Variants in CNTN6 observed in about 807,000 individuals in gnomAD.
CNTN6 encodes contactin-6.
CNTN6 carries 137 observed loss-of-function variants against 122.8 expected under a neutral mutation model. That is an observed-to-expected ratio of 1.12 (90% CI 0.97 to 1.29). The LOEUF is 1.29. Among genes scored for constraint, CNTN6 ranks in the 50% most tolerant of loss-of-function variants. The pLI, the probability that CNTN6 is intolerant of heterozygous loss-of-function variation, is 0.00. For synonymous variants in CNTN6, 570 were observed against 426.0 expected (o/e 1.34, Z -4.16); for missense variants, 1,634 against 1,223.4 (o/e 1.34, Z -5.01).
At chr3:1,252,746 A>T (rs1428401834) in intron 4 of CNTN6, among the ~76,000 whole-genome samples, 3 of 152,146 alleles carry the variant, frequency 2.0e-5, no homozygotes, top group Non-Finnish European at 4.4e-5. Flanking sequence ...TACCACACTC[A>T]AGGGGAAAGA....
chr3:1,215,236 T>C (rs2094113904), intron 2 of CNTN6, among the ~76,000 whole-genome samples: 1 of 152,258 alleles, frequency 6.6e-6, no homozygotes, highest in Admixed American at 6.5e-5. Flanking sequence ...TGGTATTTAC[T>C]GAGACATGTG....
chr3:1,168,456 A>G (rs1290929465), intron 2 of CNTN6, among the ~76,000 whole-genome samples: 1 of 150,530 alleles, frequency 6.6e-6, no homozygotes, highest in African/African-American at 2.5e-5. Context: ...CTAAGGGACC[A>G]GGAAGCTGGG....
intron 7 of CNTN6, among the ~76,000 whole-genome samples, chr3:1,311,400 GTACATATAAAATGTCTTTATATGTACA>G (rs1699256856): frequency 1.2e-5 from 1 of 86,240 alleles, no homozygotes; most frequent in Non-Finnish European, 2.2e-5. Context: ...GTACATATAT[GTACATATAAAATGTCTTTATATGTACA>G]TATATGTACA....
chr3:1,204,545 T>C (rs917900305), intron 2 of CNTN6, among the ~76,000 whole-genome samples: 13 of 140,172 alleles, frequency 9.3e-5, no homozygotes, highest in Non-Finnish European at 3.1e-5. Context: ...CTCCTGCTGT[T>C]GTTTCTGCTC....
chr3:1,137,680 C>G (rs1369785612), intron 1 of CNTN6, among the ~76,000 whole-genome samples: 5 of 152,226 alleles, frequency 3.3e-5, no homozygotes, highest in East Asian at 3.9e-4. Flanking sequence ...TCTTATGAAC[C>G]TCATGAGGTA....
At chr3:1,146,104 C>T (rs1245334926) in intron 1 of CNTN6, among the ~76,000 whole-genome samples, 2 of 151,940 alleles carry the variant, frequency 1.3e-5, no homozygotes, top group African/African-American at 4.8e-5. Context: ...CTGTATAATT[C>T]CAGTTTTTAC....
intron 5 of CNTN6, among the ~76,000 whole-genome samples, chr3:1,284,765 C>A (rs1694058293): frequency 6.6e-6 from 1 of 152,102 alleles, no homozygotes; most frequent in African/African-American, 2.4e-5. Context: ...GCTATTTGAG[C>A]AGAGAACTAA....
chr3:1,193,069 G>A (rs1441129410), intron 2 of CNTN6, among the ~76,000 whole-genome samples: 1 of 152,116 alleles, frequency 6.6e-6, no homozygotes, highest in South Asian at 2.1e-4. Context: ...ACATTAATTT[G>A]CCTGAAGTTG....
intron 4 of CNTN6, among the ~76,000 whole-genome samples, chr3:1,246,892 T>C (rs2094589615): frequency 6.6e-6 from 1 of 152,182 alleles, no homozygotes. Context: ...GTCTTTGTTT[T>C]CATTAGTGAT....
intron 3 of CNTN6, among the ~76,000 whole-genome samples, chr3:1,222,089 G>A (rs78672896): frequency 0.037 from 5,639 of 152,094 alleles, 366 homozygotes; most frequent in African/African-American, 0.13. Context: ...TAACTTCAGT[G>A]TCTTCTTTTT....
intron 4 of CNTN6, among the ~76,000 whole-genome samples, chr3:1,252,223 T>C (rs562375841): frequency 2.4e-4 from 37 of 152,308 alleles, no homozygotes; most frequent in Non-Finnish European, 3.8e-4. Flanking sequence ...CTGTTGAAAT[T>C]ATCTCTTCCT....
At chr3:1,096,415 G>A (rs778860942) in intron 1 of CNTN6, among the ~76,000 whole-genome samples, 17 of 152,156 alleles carry the variant, frequency 1.1e-4, no homozygotes, top group African/African-American at 3.6e-4. Flanking sequence ...TTAACTGGGC[G>A]TGGCCAAATT....
chr3:1,393,566 A>G (rs1694543510), intron 20 of CNTN6, among the ~76,000 whole-genome samples: 1 of 143,560 alleles, frequency 7.0e-6, no homozygotes, highest in Non-Finnish European at 1.6e-5. Context: ...AAAAAAAAAA[A>G]AAAAAAAAGA....
chr3:1,403,401 A>G lies in CNTN6; in HGVS notation c.3070A>G (p.Ile1024Val), dbSNP rs75745489. 10 of 1,607,044 alleles carry G rather than the reference A, an allele frequency of 6.2e-6. No homozygotes were observed. Among genetic ancestry groups the G allele is most frequent in the Non-Finnish European group, 7.7e-6 (9 of 1,174,806 alleles). Residue 1024 changes from isoleucine (I) to valine (V), a missense_variant, in exon 23 of 23, where the codon ATT becomes GTT. Ile to Val is a conservative substitution (Grantham distance 29, BLOSUM62 3). Transcript: ENST00000446702. ...CATTGTGATTTTTCACTGTTTTGCTATTCAGCCACTTATCTGATGAATAAA... is the reference window on the plus strand; with the variant it reads ...CATTGTGATTTTTCACTGTTTTGCTGTTCAGCCACTTATCTGATGAATAAA... Reference protein sequence around the residue: ...IVIVIFHCFAIQPLI With the variant: ...IVIVIFHCFAVQPLI
At chr3:1,219,500 T>A (rs1427668498) in intron 2 of CNTN6, among the ~76,000 whole-genome samples, 1 of 152,204 alleles carries the variant, frequency 6.6e-6, no homozygotes, top group Non-Finnish European at 1.5e-5. Flanking sequence ...TATTATTATT[T>A]TTGAACATCT....
At chr3:1,320,884 T>C (rs577529956) in intron 7 of CNTN6, among the ~76,000 whole-genome samples, 10 of 151,746 alleles carry the variant, frequency 6.6e-5, no homozygotes, top group Non-Finnish European at 1.5e-4. Flanking sequence ...GATACCCATA[T>C]TAGACTAAAA....
At chr3:1,117,618 C>A (rs2091777207) in intron 1 of CNTN6, among the ~76,000 whole-genome samples, 1 of 152,142 alleles carries the variant, frequency 6.6e-6, no homozygotes, top group Non-Finnish European at 1.5e-5. Context: ...TTAAGTTCAC[C>A]TGCAGATACT....
At chr3:1,365,755 A>G (rs1361736532) in intron 12 of CNTN6, among the ~76,000 whole-genome samples, 2 of 152,126 alleles carry the variant, frequency 1.3e-5, no homozygotes, top group African/African-American at 4.8e-5. Context: ...AGGAATTCTC[A>G]GAGCTTTTAA....
At chr3:1,206,566 C>A (rs2125453307) in intron 2 of CNTN6, among the ~76,000 whole-genome samples, 1 of 152,292 alleles carries the variant, frequency 6.6e-6, no homozygotes, top group East Asian at 1.9e-4. Context: ...TATCCCATCT[C>A]AACCAAATGC....
Sources: allele counts gnomAD v4.1 joint callset (sites outside exome capture counted in the v4.1 genomes callset), GRCh38; gene constraint gnomAD v4.1.1; transcripts MANE v1.5; gene names NCBI Gene and HGNC (gene_info 2026-07-23, HGNC 2026-07-21).